The following HS1BP3 variants were observed in gnomAD, a reference collection of about 807,000 sequenced individuals.
HS1BP3 encodes HCLS1 binding protein 3.
A neutral mutation model predicts 33.5 loss-of-function variants in HS1BP3; 32 were observed. The ratio of observed to expected loss-of-function variants is 0.95; its 90% CI spans 0.72 to 1.28. The LOEUF (loss-of-function observed/expected upper bound fraction) is 1.28, where lower values mean the gene tolerates loss of function less well. HS1BP3 is among the 50% of genes most tolerant of loss of function. HS1BP3 has a pLI of 0.00. For missense variants in HS1BP3, 486 were observed against 502.3 expected, an observed-to-expected ratio of 0.97 and a Z score of 0.31; for synonymous variants, 187 against 209.2, an observed-to-expected ratio of 0.89 and a Z score of 0.92.
rs758031846 is a variant in HS1BP3 at position 20,638,461 on chromosome 2, C to A, written c.598G>T (p.Ala200Ser). The A allele has an allele frequency of 6.2e-7, 1 of 1,613,668 alleles. No individual in the cohort carries two copies. Among genetic ancestry groups the A allele is most frequent in the South Asian group, 1.1e-5 (1 of 91,062 alleles). Reference sequence around the variant, plus strand: ...CGCATAATGCCCAGAGGGTCCAGCGCCTCCTCCTCCTCCAAGGATTCCTCA... The same window carrying A: ...CGCATAATGCCCAGAGGGTCCAGCGACTCCTCCTCCTCCAAGGATTCCTCA... Reference protein sequence around the residue: ...DAEESLEEEEALDPLGIMRSK... With the variant: ...DAEESLEEEESLDPLGIMRSK... The change falls in exon 4 of 7, where the codon GCG becomes TCG. Residue 200 changes from alanine (A) to serine (S), a missense_variant. Ala to Ser is a moderately conservative substitution (Grantham distance 99, BLOSUM62 1). Coordinates refer to ENST00000304031, the MANE Select transcript of HS1BP3 (RefSeq NM_022460.4).
intron 4 of HS1BP3, among the ~76,000 whole-genome samples, chr2:20,628,150 A>G (rs1421593910): frequency 6.6e-6 from 1 of 152,196 alleles, no homozygotes. Context: ...TGAGCAACTC[A>G]TTCCTTCCCT....
At chr2:20,645,141 C>T (rs540921371) in intron 2 of HS1BP3, among the ~76,000 whole-genome samples, 199 bp downstream of exon 2, 1 of 152,346 alleles carries the variant, frequency 6.6e-6, no homozygotes, top group Admixed American at 6.5e-5. Flanking sequence ...CTTTAGAGGT[C>T]TGCCTCTCCA....
chr2:20,587,610 T>A lies in HS1BP3; in HGVS notation c.303-27095A>T, dbSNP rs111375292. On this transcript the variant is annotated intron_variant, in intron 5 of 5. Coordinates refer to the HS1BP3 transcript ENST00000446825. ...GTGGCCCAGAAAGTATCAGAGACCA[T>A]GGATTAAGAATCAGACCACTGTGCA... 8.5e-3 allele frequency among the ~76,000 whole-genome samples: 1,296 copies of A among 152,134 alleles called. 20 individuals are homozygous for A. The highest frequency in any genetic ancestry group is 0.028 in the African/African-American group (1,148 of 41,494).
At position 20,595,778 on chromosome 2, in the gene HS1BP3, G is replaced by A. The variant is rs182519583; in HGVS notation, c.*12+2430C>T. On this transcript the variant is annotated intron_variant, in intron 3 of 3. Transcript: ENST00000415264. Reference sequence around the variant, plus strand: ...GTCTCCACAGTCCCCTGCTGGGCAGGGAAGTGGGCAGAGGTGATGGTCACG... The same window carrying A: ...GTCTCCACAGTCCCCTGCTGGGCAGAGAAGTGGGCAGAGGTGATGGTCACG... 3.3e-3 allele frequency among the ~76,000 whole-genome samples: 504 copies of A among 152,366 alleles called. 3 individuals carry two copies. Among genetic ancestry groups the A allele is most frequent in the African/African-American group, 0.011 (473 of 41,584 alleles).
At chr2:20,638,986 C>T (rs751892758) in intron 3 of HS1BP3, among the ~76,000 whole-genome samples, 4 of 152,184 alleles carry the variant, frequency 2.6e-5, no homozygotes, top group African/African-American at 7.2e-5. Flanking sequence ...CTGTGTGCGC[C>T]GCAGGGATGG....
In HS1BP3 at chr2:20,623,997, C is replaced by A; in HGVS notation, c.819G>T (p.Gly273=). 1 of 1,612,150 alleles carries A rather than the reference C, an allele frequency of 6.2e-7. No homozygotes were observed. ...LKLFDDPDLG[G]AIPLGDSLLL... is the part of the protein sequence containing the mutation. ...GGAGGGAGTCACCCAGGGGGATGGC[C>A]CCGCCGAGGTCAGGATCATCAAATA... Residue 273 remains glycine (G), a synonymous_variant, in exon 6 of 7, where the codon GGG becomes GGT. Coordinates refer to ENST00000304031, the MANE Select transcript of HS1BP3 (RefSeq NM_022460.4).
At chr2:20,600,041 A>G (rs1202314169) in intron 2 of HS1BP3, among the ~76,000 whole-genome samples, 1 of 152,152 alleles carries the variant, frequency 6.6e-6, no homozygotes, top group African/African-American at 2.4e-5. Flanking sequence ...TCTTTGGCCA[A>G]ATCAGTTAAG....
chr2:20,638,492 C>T lies in HS1BP3; in HGVS notation c.567G>A (p.Glu189=). The change falls in exon 4 of 7, where the codon GAG becomes GAA. Residue 189 remains glutamate, a synonymous_variant. Transcript: ENST00000304031. ...CCTCCTCCAAGGATTCCTCAGCATC[C>T]TCGCCCTTCAGGCTCTGGACGGGCG... ...EGPPVQSLKG[E]DAEESLEEEE... The T allele has an allele frequency of 6.2e-7, 1 of 1,614,264 alleles. No individual in the cohort carries two copies. Among genetic ancestry groups the T allele is most frequent in the South Asian group, 1.1e-5 (1 of 91,090 alleles).
At chr2:20,608,611 G>A (rs1301493420) in intron 2 of HS1BP3, among the ~76,000 whole-genome samples, 8 of 151,022 alleles carry the variant, frequency 5.3e-5, no homozygotes, top group Admixed American at 5.3e-4. Context: ...TAGCAGAAAC[G>A]GGCATCCTGT....
chr2:20,614,677 G>T (rs2149287448), downstream of HS1BP3, among the ~76,000 whole-genome samples: 1 of 152,378 alleles, frequency 6.6e-6, no homozygotes, highest in Middle Eastern at 3.4e-3. Context: ...TGATTGGCCA[G>T]TTGGCCTGGA....
chr2:20,647,482 C>T (rs915474270), intron 1 of HS1BP3, among the ~76,000 whole-genome samples: 10 of 152,182 alleles, frequency 6.6e-5, no homozygotes, highest in Non-Finnish European at 1.2e-4. Flanking sequence ...CTTGGCAACC[C>T]TACCTTGCCC....
intron 4 of HS1BP3, chr2:20,636,398 A>AG (rs1169646939): frequency 6.6e-6 from 1 of 152,292 alleles, no homozygotes; most frequent in African/African-American, 2.4e-5. Context: ...CCCACCTCCC[A>AG]GGCTGATAAA....
At chr2:20,645,054 C>T (rs1411037223) in intron 2 of HS1BP3, among the ~76,000 whole-genome samples, 2 of 152,238 alleles carry the variant, frequency 1.3e-5, no homozygotes, top group African/African-American at 4.8e-5. Context: ...CAAGAAGTTT[C>T]CCCAGGGTCA....
At chr2:20,617,018 C>T (rs2149288332), downstream of HS1BP3, among the ~76,000 whole-genome samples, 1 of 152,270 alleles carries the variant, frequency 6.6e-6, no homozygotes, top group African/African-American at 2.4e-5. Flanking sequence ...ACACAACGGG[C>T]AGGCCAGGTT....
At chr2:20,588,063 G>A (rs929796263), downstream of HS1BP3, among the ~76,000 whole-genome samples, 5 of 151,744 alleles carry the variant, frequency 3.3e-5, no homozygotes, top group African/African-American at 1.2e-4. Flanking sequence ...AGACCAGCCT[G>A]TGAATACTAG....
chr2:20,580,831 T>G (rs1299411355), intron 5 of HS1BP3, among the ~76,000 whole-genome samples: 1 of 152,194 alleles, frequency 6.6e-6, no homozygotes, highest in Admixed American at 6.5e-5. Context: ...AGACAAGTGA[T>G]GAGCAACCTG....
chr2:20,589,900 T>C (rs1270470822), downstream of HS1BP3, among the ~76,000 whole-genome samples: 8 of 152,138 alleles, frequency 5.3e-5, no homozygotes, highest in Non-Finnish European at 1.2e-4. Flanking sequence ...AAGAGAGAGA[T>C]GACTGAGACT....
chr2:20,632,470 G>C (rs1329737625), intron 4 of HS1BP3, among the ~76,000 whole-genome samples: 5 of 152,206 alleles, frequency 3.3e-5, no homozygotes, highest in Non-Finnish European at 5.9e-5. Flanking sequence ...TGGGGAAAAA[G>C]GGAAAAGTCC....
At position 20,603,991 on chromosome 2, in the gene HS1BP3, C is replaced by T. The variant is rs150290216; in HGVS notation, c.179-5726G>A. On this transcript the variant is annotated intron_variant, in intron 2 of 3. Transcript: ENST00000415264. ...AGAGTGCTGGAGCTCGGTAGGAGCC[C>T]AGTCCGCTGCTTCCCAGAGGGCCCT... Among the ~76,000 whole-genome samples, 322 of 152,326 alleles carry T rather than the reference C, an allele frequency of 2.1e-3. 1 individual carries two copies. Among genetic ancestry groups the T allele is most frequent in the African/African-American group, 7.3e-3 (305 of 41,574 alleles).
Sources: gnomAD v4.1 joint callset for allele counts (sites outside exome capture counted in the v4.1 genomes callset) on GRCh38, gnomAD v4.1.1 for gene constraint, MANE v1.5 for transcripts, NCBI Gene and HGNC (gene_info 2026-07-23, HGNC 2026-07-21) for gene names.